The following KLHL1 variants were observed in gnomAD, a reference collection of about 807,000 sequenced individuals.
KLHL1 encodes the protein kelch like family member 1.
A neutral mutation model predicts 77.7 loss-of-function variants in KLHL1; 47 were observed. The observed-to-expected ratio is 0.60, with a 90% confidence interval of 0.48 to 0.77. KLHL1 has a LOEUF of 0.77. Ranked by LOEUF, KLHL1 falls within the 30% of genes least tolerant of loss-of-function variation. The pLI is 0.00. For missense variants in KLHL1, 925 were observed against 910.8 expected, an observed-to-expected ratio of 1.02 and a Z score of -0.20; for synonymous variants, 360 against 325.2, an observed-to-expected ratio of 1.11 and a Z score of -1.15.
At chr13:69,746,041 T>A (rs867841867) in intron 7 of KLHL1, among the ~76,000 whole-genome samples, 26 of 151,724 alleles carry the variant, frequency 1.7e-4, no homozygotes, top group Admixed American at 5.9e-4. Context: ...TTTATATATA[T>A]TACTGAAATG....
intron 9 of KLHL1, among the ~76,000 whole-genome samples, chr13:69,708,449 G>A (rs1268315770): frequency 6.6e-6 from 1 of 151,840 alleles, no homozygotes; most frequent in Non-Finnish European, 1.5e-5. Flanking sequence ...GGGTAGGAAG[G>A]TACTTTCAGT....
At chr13:69,834,134 T>C (rs56103868) in intron 6 of KLHL1, among the ~76,000 whole-genome samples, 11,433 of 151,956 alleles carry the variant, frequency 0.075, 788 homozygotes, top group African/African-American at 0.18. Flanking sequence ...ACATTGGGTA[T>C]GGTGTACACT....
At chr13:69,837,878 C>T (rs1488786543) in intron 6 of KLHL1, among the ~76,000 whole-genome samples, 2 of 151,324 alleles carry the variant, frequency 1.3e-5, no homozygotes, top group Non-Finnish European at 3.0e-5. Flanking sequence ...CCAATATTGT[C>T]TTTTATGAGT....
chr13:69,997,900 T>C (rs190140894), intron 1 of KLHL1, among the ~76,000 whole-genome samples: 120 of 151,820 alleles, frequency 7.9e-4, no homozygotes, highest in African/African-American at 2.8e-3. Flanking sequence ...CTGAAAATAA[T>C]AGTGCAATAA....
chr13:69,804,721 A>T (rs1877542192), intron 6 of KLHL1, among the ~76,000 whole-genome samples: 1 of 152,198 alleles, frequency 6.6e-6, no homozygotes, highest in Non-Finnish European at 1.5e-5. Context: ...TGGTTATTAA[A>T]CAACAGCAAC....
chr13:69,704,561 A>G (rs1875541339), intron 10 of KLHL1, among the ~76,000 whole-genome samples: 2 of 151,730 alleles, frequency 1.3e-5, no homozygotes, highest in African/African-American at 2.4e-5. Flanking sequence ...CTCATTCCAC[A>G]TATTTCCTGA....
chr13:69,802,713 G>A (rs1363019928), intron 6 of KLHL1, among the ~76,000 whole-genome samples: 8 of 151,588 alleles, frequency 5.3e-5, no homozygotes, highest in Admixed American at 2.0e-4. Flanking sequence ...AATCGATCAC[G>A]ACCCTCTCAC....
intron 1 of KLHL1, among the ~76,000 whole-genome samples, chr13:70,059,427 C>T (rs1207917331): frequency 6.6e-6 from 1 of 152,110 alleles, no homozygotes; most frequent in African/African-American, 2.4e-5. Flanking sequence ...GCCTTGGCCT[C>T]CCAAACTGGT....
intron 5 of KLHL1, among the ~76,000 whole-genome samples, chr13:69,840,359 G>GATT (rs1367472450): frequency 6.6e-6 from 1 of 151,792 alleles, no homozygotes; most frequent in East Asian, 2.0e-4. Flanking sequence ...GAGTAGTTGG[G>GATT]ATTACAGATG....
chr13:69,848,157 A>C (rs1179423606), intron 5 of KLHL1, among the ~76,000 whole-genome samples: 4 of 151,542 alleles, frequency 2.6e-5, no homozygotes, highest in Non-Finnish European at 4.4e-5. Flanking sequence ...CCTCATACCT[A>C]GAGAGCTTTG....
In KLHL1 at chr13:69,975,584, T is replaced by G. The variant is rs1040952645; in HGVS notation, c.680+36A>C. ...TGCCAGTCTGGCACTTTTAAACATG[T>G]GAATGCATGTTTCCAGTAGAGGCAG... On this transcript the variant is annotated intron_variant, in intron 2 of 10. Transcript: ENST00000377844. 6 of 1,555,152 alleles carry G rather than the reference T, an allele frequency of 3.9e-6. No individual in the cohort carries two copies. In the Admixed American group the frequency reaches 5.7e-5, roughly 15 times the overall value.
At chr13:69,823,562 A>G (rs1878424689) in intron 6 of KLHL1, among the ~76,000 whole-genome samples, 1 of 152,106 alleles carries the variant, frequency 6.6e-6, no homozygotes, top group Admixed American at 6.6e-5. Context: ...CTATTAAAAC[A>G]TTAAATCTAG....
At chr13:69,715,521 A>ATTTT in intron 9 of KLHL1, among the ~76,000 whole-genome samples, 1 of 120,874 alleles carries the variant, frequency 8.3e-6, no homozygotes. Context: ...CAGTTTTATT[A>ATTTT]TTTATTTTTT....
intron 2 of KLHL1, among the ~76,000 whole-genome samples, chr13:69,965,267 C>T (rs1353699072): frequency 6.6e-6 from 1 of 152,164 alleles, no homozygotes; most frequent in Non-Finnish European, 1.5e-5. Flanking sequence ...ACAGCATGGG[C>T]TCACTTCATG....
intron 7 of KLHL1, among the ~76,000 whole-genome samples, chr13:69,773,863 CTATATATATA>C (rs72007331): frequency 2.0e-4 from 29 of 146,048 alleles, no homozygotes; most frequent in African/African-American, 6.8e-4. Context: ...AAGTCCTTGG[CTATATATATA>C]TATATATATA....
intron 5 of KLHL1, among the ~76,000 whole-genome samples, chr13:69,877,218 T>G (rs1880803408): frequency 1.3e-5 from 2 of 152,292 alleles, no homozygotes; most frequent in African/African-American, 4.8e-5. Flanking sequence ...TTAAAGCCAT[T>G]CATTAGAAAA....
intron 4 of KLHL1, among the ~76,000 whole-genome samples, chr13:69,931,291 T>G (rs1396280961): frequency 6.6e-6 from 1 of 151,798 alleles, no homozygotes; most frequent in East Asian, 1.9e-4. Flanking sequence ...ATTGGTGAAA[T>G]AGTTCATTTT....
chr13:69,979,872 C>T (rs974812789), intron 1 of KLHL1, among the ~76,000 whole-genome samples: 1 of 152,156 alleles, frequency 6.6e-6, no homozygotes, highest in Non-Finnish European at 1.5e-5. Context: ...CATAGCTATA[C>T]TATTCTATTT....
chr13:69,942,590 T>G (rs1200127896), intron 3 of KLHL1, among the ~76,000 whole-genome samples: 2 of 152,060 alleles, frequency 1.3e-5, no homozygotes. Flanking sequence ...TTTTCTGAAA[T>G]TTTTTAAACC....
Sources: allele counts gnomAD v4.1 joint callset (sites outside exome capture counted in the v4.1 genomes callset), GRCh38; gene constraint gnomAD v4.1.1; transcripts MANE v1.5; gene names NCBI Gene and HGNC (gene_info 2026-07-23, HGNC 2026-07-21).